Variants in MPP7 observed in about 807,000 individuals in gnomAD.
MPP7 encodes MAGUK p55 subfamily member 7.
In MPP7, 60 loss-of-function variants were observed where a neutral mutation model predicts 76.5. The ratio of observed to expected loss-of-function variants is 0.78; its 90% CI spans 0.64 to 0.97. The LOEUF is 0.97. MPP7 is among the 50% of genes least tolerant of loss of function. The pLI is 0.00. For missense variants in MPP7, 641 were observed against 694.0 expected, an observed-to-expected ratio of 0.92 and a Z score of 0.86; for synonymous variants, 237 against 244.5, an observed-to-expected ratio of 0.97 and a Z score of 0.29.
chr10:28,328,569 C>CT (rs34544679), intron 2 of MPP7, among the ~76,000 whole-genome samples: 14,550 of 136,448 alleles, frequency 0.11, 834 homozygotes, highest in African/African-American at 0.14. Flanking sequence ...CTAGCAAGCA[C>CT]TTTTTTTTTT....
At chr10:28,056,246 C>T (rs1371054804) in intron 16 of MPP7, among the ~76,000 whole-genome samples, 1 of 151,966 alleles carries the variant, frequency 6.6e-6, no homozygotes, top group Non-Finnish European at 1.5e-5. Context: ...CACTCTCAGT[C>T]TCCTGGGGTC....
At chr10:28,074,637 C>A (rs751591308) in intron 12 of MPP7, among the ~76,000 whole-genome samples, 16 of 152,180 alleles carry the variant, frequency 1.1e-4, no homozygotes, top group Non-Finnish European at 2.1e-4. Flanking sequence ...TATACTCTCA[C>A]ATCTTCTCTT....
intron 2 of MPP7, among the ~76,000 whole-genome samples, chr10:28,324,728 A>C (rs1834396372): frequency 6.6e-6 from 1 of 152,228 alleles, no homozygotes; most frequent in Non-Finnish European, 1.5e-5. Flanking sequence ...ACTGATGAGC[A>C]TAGATGTAAT....
At chr10:28,263,982 A>C (rs187375923) in intron 1 of MPP7, among the ~76,000 whole-genome samples, 1 of 152,316 alleles carries the variant, frequency 6.6e-6, no homozygotes, top group East Asian at 1.9e-4. Flanking sequence ...AGATAGGCAC[A>C]GTTTCAGGAA....
chr10:28,121,385 G>A (rs573893239), intron 8 of MPP7, among the ~76,000 whole-genome samples: 1 of 150,294 alleles, frequency 6.7e-6, no homozygotes, highest in African/African-American at 2.5e-5. Context: ...ACAAATACAT[G>A]ATTCAATTAG....
At chr10:28,106,240 T>A (rs1283720222) in intron 11 of MPP7, among the ~76,000 whole-genome samples, 1 of 152,208 alleles carries the variant, frequency 6.6e-6, no homozygotes. Context: ...ACGGAATTGA[T>A]CGCTAAAACT....
At chr10:28,218,286 A>G (rs374699183) in intron 2 of MPP7, among the ~76,000 whole-genome samples, 1 of 152,188 alleles carries the variant, frequency 6.6e-6, no homozygotes, top group South Asian at 2.1e-4. Context: ...ACTAGAATAC[A>G]GAGCAAAGGG....
intron 3 of MPP7, among the ~76,000 whole-genome samples, chr10:28,185,946 C>A (rs1837221116): frequency 6.6e-6 from 1 of 152,178 alleles, no homozygotes; most frequent in Non-Finnish European, 1.5e-5. Context: ...AGCCTCCACA[C>A]AGCCTTGACA....
chr10:28,320,405 A>AT (rs11369879), intron 2 of MPP7, among the ~76,000 whole-genome samples: 91,702 of 150,392 alleles, frequency 0.61, 28,020 homozygotes, highest in African/African-American at 0.69. Flanking sequence ...GTTACTGAAG[A>AT]TTTTTTTTTT....
chr10:28,246,279 T>TC (rs1451369059), intron 1 of MPP7, among the ~76,000 whole-genome samples: 1 of 151,848 alleles, frequency 6.6e-6, no homozygotes, highest in African/African-American at 2.4e-5. Context: ...TTTTGCAGGT[T>TC]GAAGTAAGAT....
intron 2 of MPP7, among the ~76,000 whole-genome samples, chr10:28,214,564 G>C (rs1474307269): frequency 1.3e-5 from 2 of 152,116 alleles, no homozygotes; most frequent in African/African-American, 4.8e-5. Flanking sequence ...TATGTGCCAG[G>C]CACTATGAAG....
At chr10:28,240,754 T>C (rs946749064) in intron 1 of MPP7, among the ~76,000 whole-genome samples, 1 of 151,916 alleles carries the variant, frequency 6.6e-6, no homozygotes, top group Non-Finnish European at 1.5e-5. Context: ...ATGTTCCTTA[T>C]ATAAAGCAAG....
rs533024404 is a variant in MPP7, at chr10:28,216,280, C to T, written c.38-14009G>A. On this transcript the variant is annotated intron_variant, in intron 2 of 16. Coordinates refer to ENST00000683449, the MANE Select transcript of MPP7 (RefSeq NM_001318170.2). ...GCAGTGAGTCAAGGTGGTGCCACTG[C>T]ACTCCAGGCTGGGCGACACAGTGAC... 7.9e-5 allele frequency among the ~76,000 whole-genome samples: 12 copies of T among 151,978 alleles called. No homozygotes were observed. In the South Asian group the frequency reaches 2.5e-3, roughly 32 times the overall value.
chr10:28,077,754 A>T (rs59246203), intron 12 of MPP7, among the ~76,000 whole-genome samples: 1 of 152,168 alleles, frequency 6.6e-6, no homozygotes, highest in African/African-American at 2.4e-5. Flanking sequence ...ACGGGCACAT[A>T]TAAGTAGATT....
At chr10:28,333,695 G>T (rs1032473525) in intron 1 of MPP7, among the ~76,000 whole-genome samples, 2 of 152,144 alleles carry the variant, frequency 1.3e-5, no homozygotes, top group Non-Finnish European at 2.9e-5. Flanking sequence ...CAAGTATTTT[G>T]CAGGAAACAG....
intron 2 of MPP7, among the ~76,000 whole-genome samples, chr10:28,309,218 A>G (rs1303192911): frequency 6.6e-6 from 1 of 152,200 alleles, no homozygotes; most frequent in Non-Finnish European, 1.5e-5. Context: ...GTTCAAGACC[A>G]GCCCGGCCAA....
chr10:28,132,656 G>C (rs2133686462), intron 5 of MPP7, among the ~76,000 whole-genome samples: 1 of 152,162 alleles, frequency 6.6e-6, no homozygotes, highest in Middle Eastern at 3.4e-3. Flanking sequence ...CTGTAGTGCA[G>C]TGGTGCAATC....
At chr10:28,091,131 A>G in intron 11 of MPP7, among the ~76,000 whole-genome samples, 1 of 152,158 alleles carries the variant, frequency 6.6e-6, no homozygotes, top group East Asian at 1.9e-4. Context: ...TAGGTGACAG[A>G]GTAAGACTCC....
chr10:28,089,436 C>A (rs927324716), intron 12 of MPP7, among the ~76,000 whole-genome samples: 1 of 152,124 alleles, frequency 6.6e-6, no homozygotes, highest in Admixed American at 6.5e-5. Context: ...TGTTTGCTAT[C>A]CCCACTTGAC....
Sources: allele counts gnomAD v4.1 joint callset (sites outside exome capture counted in the v4.1 genomes callset), GRCh38; gene constraint gnomAD v4.1.1; transcripts MANE v1.5; gene names NCBI Gene and HGNC (gene_info 2026-07-23, HGNC 2026-07-21).